RNF24: variants seen among roughly 807,000 people sequenced by gnomAD.
The protein encoded by RNF24 is ring finger protein 24.
Under a neutral mutation model 20.0 loss-of-function variants are expected in RNF24, and 14 were observed. That is an observed-to-expected ratio of 0.70 (90% CI 0.46 to 1.10). RNF24 has a LOEUF of 1.10. Ranked by LOEUF, RNF24 falls within the 50% of genes least tolerant of loss-of-function variation. The pLI is 0.00. For missense variants in RNF24, 124 were observed against 177.6 expected, an observed-to-expected ratio of 0.70 and a Z score of 1.71; for synonymous variants, 45 against 61.1, an observed-to-expected ratio of 0.74 and a Z score of 1.23.
At chr20:4,008,452 A>ATT (rs35909534) in intron 1 of RNF24, among the ~76,000 whole-genome samples, 34,637 of 44,366 alleles carry the variant, frequency 0.78, 14,301 homozygotes, top group Non-Finnish European at 0.87. Context: ...TAATATATAT[A>ATT]ATATATAATA....
intron 3 of RNF24, among the ~76,000 whole-genome samples, chr20:3,946,375 GCC>G (rs2091017089): frequency 6.6e-6 from 1 of 152,108 alleles, no homozygotes; most frequent in South Asian, 2.1e-4. Flanking sequence ...GCTCACCTGA[GCC>G]CAGGAGGCAG....
At chr20:3,951,292 TC>T (rs2146967234) in intron 2 of RNF24, among the ~76,000 whole-genome samples, 1 of 152,234 alleles carries the variant, frequency 6.6e-6, no homozygotes, top group South Asian at 2.1e-4. Context: ...CCTTAGTCTT[TC>T]CTTGTCTTTC....
intron 3 of RNF24, among the ~76,000 whole-genome samples, chr20:3,947,817 C>T (rs992623235): frequency 9.2e-5 from 14 of 152,116 alleles, no homozygotes; most frequent in Admixed American, 5.2e-4. Context: ...GAGGCCGAGG[C>T]GGGCGGATCA....
rs1041813758 is a variant in RNF24 at position 3,930,185 on chromosome 20, A to G, written c.*3878T>C. On this transcript the variant is annotated 3_prime_UTR_variant, in exon 6 of 6. Coordinates refer to ENST00000358395, the MANE Select transcript of RNF24 (RefSeq NM_001134337.3). ...CTTTTAACTACTTTATGATTTGTGA[A>G]CCACATGAATGGATTACCTATTCAA... The G allele has an allele frequency of 6.6e-6, 1 of 152,374 alleles. No homozygotes were observed. The highest frequency in any genetic ancestry group is 6.5e-5 in the Admixed American group (1 of 15,302). 9.4% of individuals were successfully genotyped at this position (152,374 alleles called of 1,614,324 possible).
At chr20:3,993,985 T>A (rs927734915) in intron 1 of RNF24, among the ~76,000 whole-genome samples, 12 of 152,176 alleles carry the variant, frequency 7.9e-5, no homozygotes, top group African/African-American at 2.9e-4. Context: ...AAATACAGAC[T>A]TTATGCAATT....
rs2090748074 is a variant in RNF24, at chr20:3,927,871, GAAGT to G, written c.*6188_*6191del. 1 of 152,254 alleles carries G rather than the reference GAAGT, an allele frequency of 6.6e-6. No homozygotes were observed. 9.4% of individuals were successfully genotyped at this position (152,254 alleles called of 1,614,324 possible). The stretch of plus-strand genomic sequence containing the variant: ...CACTGGTGGGGCCCTTACAGTCACA[GAAGT>G]AAGGACTGGATGGTAAGCCAAAGGT... On this transcript the variant is annotated 3_prime_UTR_variant, in exon 6 of 6. Transcript: ENST00000358395.
At chr20:3,953,762 T>TG (rs1832663950) in intron 2 of RNF24, among the ~76,000 whole-genome samples, 1 of 74,188 alleles carries the variant, frequency 1.3e-5, no homozygotes. Flanking sequence ...TGTAGTAGTT[T>TG]TTTTTTTTTT....
At chr20:3,972,798 G>C (rs554554069) in intron 1 of RNF24, among the ~76,000 whole-genome samples, 112 of 152,212 alleles carry the variant, frequency 7.4e-4, no homozygotes, top group African/African-American at 2.6e-3. Flanking sequence ...AGTTACTCAA[G>C]AGGCTAAGGC....
In RNF24 at chr20:4,015,071, A is replaced by G. The variant is rs35106782; in HGVS notation, c.-8+366T>C. The stretch of plus-strand genomic sequence containing the variant: ...CATCCTCCTCCTAGCCTCCCAGCTC[A>G]TCCCAGCCGCCTCCCACGCCCGGGG... On this transcript the variant is annotated intron_variant, in intron 1 of 5. Coordinates refer to ENST00000358395, the MANE Select transcript of RNF24 (RefSeq NM_001134337.3). The G allele has an allele frequency of 9.2e-3, 1,410 of 152,440 alleles. 17 individuals carry two copies. Among genetic ancestry groups the G allele is most frequent in the South Asian group, 0.022 (107 of 4,840 alleles). 9.4% of individuals were successfully genotyped at this position (152,440 alleles called of 1,614,324 possible). A position where few individuals can be genotyped will look rare whatever the true frequency, so the allele number is the denominator to read the frequency against.
chr20:4,012,623 C>T (rs1982552315), intron 1 of RNF24, among the ~76,000 whole-genome samples: 1 of 152,120 alleles, frequency 6.6e-6, no homozygotes. Context: ...TAAAACAGCA[C>T]TTAACATTAT....
chr20:3,934,940 G>A lies in RNF24; in HGVS notation c.308+54C>T. On this transcript the variant is annotated intron_variant, in intron 5 of 5. Coordinates refer to ENST00000358395, the MANE Select transcript of RNF24 (RefSeq NM_001134337.3). The surrounding 1 kb of genome is among the most constrained non-coding windows in gnomAD (Gnocchi z 4.0). ...ACTGCCCTAAAACCCAAAAGAAGTT[G>A]GTTGATGTGCCTCAAACTCGGGTCC... 2.1e-6 allele frequency: 3 copies of A among 1,463,254 alleles called. No individual in the cohort carries two copies. Among genetic ancestry groups the A allele is most frequent in the Non-Finnish European group, 1.9e-6 (2 of 1,043,822 alleles). The allele number at this position is 1,463,254 out of a possible 1,614,324, so 90.6% of individuals were successfully genotyped here. A position where few individuals can be genotyped will look rare whatever the true frequency, so the allele number is the denominator to read the frequency against.
chr20:3,972,479 C>T (rs1027696042), intron 1 of RNF24, among the ~76,000 whole-genome samples: 1 of 152,164 alleles, frequency 6.6e-6, no homozygotes, highest in Admixed American at 6.6e-5. Context: ...TCAAACTAGA[C>T]ATTTATAACA....
rs932612768 is a variant in RNF24, at chr20:3,986,152, C to T, written c.-7-22128G>A. On this transcript the variant is annotated intron_variant, in intron 1 of 5. Coordinates refer to ENST00000358395, the MANE Select transcript of RNF24 (RefSeq NM_001134337.3). ...ACTTTGAGGGCAAAGAAGAATTTGA[C>T]GTCTCATGTTCCCTTTGTTTTTTAA... is the stretch of plus-strand genomic sequence containing the variant. Among the ~76,000 whole-genome samples, 8 of 152,120 alleles carry T rather than the reference C, an allele frequency of 5.3e-5. No individual in the cohort carries two copies. The South Asian group carries it at 8.3e-4, about 16-fold the overall frequency.
At chr20:3,986,852 T>A (rs776096693) in intron 1 of RNF24, among the ~76,000 whole-genome samples, 1 of 152,126 alleles carries the variant, frequency 6.6e-6, no homozygotes, top group African/African-American at 2.4e-5. Context: ...GGTTTCGCCA[T>A]GTTAGCCAGG....
chr20:3,940,146 C>T (rs372220251), intron 4 of RNF24, among the ~76,000 whole-genome samples: 9 of 151,878 alleles, frequency 5.9e-5, no homozygotes, highest in Admixed American at 1.3e-4. Context: ...TTAGTAGAGA[C>T]GGGGTTTCTC....
intron 1 of RNF24, among the ~76,000 whole-genome samples, chr20:3,982,130 TC>T (rs1979460164): frequency 6.6e-6 from 1 of 150,872 alleles, no homozygotes; most frequent in Non-Finnish European, 1.5e-5. Flanking sequence ...TCTCTCTCTC[TC>T]TCTCAATAAA....
chr20:3,964,378 C>T (rs532969028), intron 1 of RNF24, among the ~76,000 whole-genome samples: 5 of 152,176 alleles, frequency 3.3e-5, no homozygotes, highest in Admixed American at 2.6e-4. Context: ...AACTCTTTAG[C>T]CTTTAACCTA....
chr20:3,948,056 AAAAAG>A (rs1273844713), intron 3 of RNF24, among the ~76,000 whole-genome samples, 176 bp downstream of exon 3: 4 of 152,160 alleles, frequency 2.6e-5, no homozygotes, highest in Admixed American at 6.5e-5. Flanking sequence ...CAAAAAAAAA[AAAAAG>A]AAGAGAAGAA....
chr20:4,011,713 C>G (rs1982472872), intron 1 of RNF24, among the ~76,000 whole-genome samples: 1 of 152,108 alleles, frequency 6.6e-6, no homozygotes, highest in African/African-American at 2.4e-5. Flanking sequence ...AAAAGTTGTT[C>G]AAGAAGAAAA....
Sources: gnomAD v4.1 joint callset for allele counts (sites outside exome capture counted in the v4.1 genomes callset) on GRCh38, gnomAD v4.1.1 for gene constraint, Gnocchi (gnomAD v3.1) non-coding constraint, MANE v1.5 for transcripts, NCBI Gene and HGNC (gene_info 2026-07-23, HGNC 2026-07-21) for gene names.